Variants in MACF1 observed in about 807,000 individuals in gnomAD.
The protein encoded by MACF1 is microtubule-actin cross-linking factor 1.
In MACF1, 193 loss-of-function variants were observed where a neutral mutation model predicts 854.8. That is an observed-to-expected ratio of 0.23 (90% CI 0.20 to 0.25). The LOEUF is 0.25. Among genes scored for constraint, MACF1 ranks in the 10% least tolerant of loss-of-function variants. MACF1 has a pLI of 1.00. For missense variants in MACF1, 7,722 were observed against 8,929.1 expected (o/e 0.86, Z 5.45); for synonymous variants, 3,185 against 3,226.7 (o/e 0.99, Z 0.44).
intron 2 of MACF1, among the ~76,000 whole-genome samples, chr1:39,157,809 C>T (rs553415009): frequency 2.6e-5 from 4 of 152,200 alleles, no homozygotes; most frequent in South Asian, 4.2e-4. Context: ...CAGGTTCAAG[C>T]GATCCTTCAT....
chr1:39,227,650 T>C (rs2148298969), intron 1 of MACF1, among the ~76,000 whole-genome samples: 1 of 152,294 alleles, frequency 6.6e-6, no homozygotes, highest in East Asian at 1.9e-4. Context: ...TGCTTCCCCT[T>C]ACCTATAGGA....
chr1:39,412,276 G>T (rs765468153), intron 58 of MACF1: 1 of 1,613,822 alleles, frequency 6.2e-7, no homozygotes, highest in African/African-American at 1.3e-5. Context: ...TGAAGTAGAG[G>T]TGTTATATGA....
In MACF1 at chr1:39,282,235, T is replaced by G; in HGVS notation, c.556T>G (p.Ser186Ala). ...QISDIYISGE[S>A]GDMSAKEKLL... is the part of the protein sequence containing the mutation. ...CTCTGACATCTACATTAGTGGAGAA[T>G]CAGGGGATATGTCAGCCAAGGAGAA... is the stretch of plus-strand genomic sequence containing the variant. Residue 186 changes from serine to alanine, a missense_variant, in exon 7 of 101, where the codon TCA (serine) becomes GCA (alanine). Transcript: ENST00000564288. 1.2e-6 allele frequency: 2 copies of G among 1,614,008 alleles called. No homozygotes were observed. The highest frequency in any genetic ancestry group is 1.7e-5 in the Admixed American group (1 of 60,020).
chr1:39,107,520 G>A (rs918200227), intron 2 of MACF1, among the ~76,000 whole-genome samples: 1 of 152,158 alleles, frequency 6.6e-6, no homozygotes, highest in South Asian at 2.1e-4. Flanking sequence ...GATCGGTGCA[G>A]AACAATCTCT....
chr1:39,350,835 C>T lies in MACF1; in HGVS notation c.11016C>T (p.Val3672=). Residue 3672 remains valine, a synonymous_variant, in exon 43 of 101, where the codon GTC becomes GTT. Coordinates refer to ENST00000564288, the MANE Select transcript of MACF1 (RefSeq NM_001394062.1). ...GTGCCACCTCATTTGCCACTGTTGT[C>T]AAGGACATTGAGGGGTTCATGGAAG... is the stretch of plus-strand genomic sequence containing the variant. ...QNRATSFATV[V]KDIEGFMEEN... The T allele has an allele frequency of 6.2e-7, 1 of 1,613,934 alleles. No homozygotes were observed. Among genetic ancestry groups the T allele is most frequent in the Non-Finnish European group, 8.5e-7 (1 of 1,179,944 alleles).
intron 58 of MACF1, among the ~76,000 whole-genome samples, chr1:39,389,349 G>GTTT (rs1557625833): frequency 2.5e-4 from 26 of 105,866 alleles, no homozygotes; most frequent in African/African-American, 9.4e-4. Context: ...TGGTTTTTGT[G>GTTT]TGTTTTTTTT....
Position 39,460,563 on chromosome 1 carries a change from G to C in MACF1, c.21361-69G>C. 1 of 1,353,726 alleles carries C rather than the reference G, an allele frequency of 7.4e-7. No individual in the cohort carries two copies. The highest frequency in any genetic ancestry group is 1.2e-5 in the South Asian group (1 of 82,008). 83.9% of individuals were successfully genotyped at this position (1,353,726 alleles called of 1,614,324 possible). ...GGCTTTACTGAATGTCTGAAAGTTT[G>C]GGTATGCTCTGGGCAGCTTTTGAGG... On this transcript the variant is annotated intron_variant, in intron 91 of 100. Coordinates refer to ENST00000564288, the MANE Select transcript of MACF1 (RefSeq NM_001394062.1). The surrounding 1 kb of genome is among the most constrained non-coding windows in gnomAD (Gnocchi z 4.1).
intron 2 of MACF1, among the ~76,000 whole-genome samples, chr1:39,107,927 T>C (rs1642289681): frequency 6.6e-6 from 1 of 152,138 alleles, no homozygotes. Context: ...AAACTGCCCC[T>C]AGGGCCAATG....
chr1:39,364,439 A>G (rs539554847), intron 49 of MACF1, among the ~76,000 whole-genome samples: 2 of 149,868 alleles, frequency 1.3e-5, no homozygotes, highest in South Asian at 2.1e-4. Flanking sequence ...TGTTAGAAAT[A>G]TTGTTTCCCA....
chr1:39,449,229 T>C (rs1644286285), intron 84 of MACF1, among the ~76,000 whole-genome samples: 1 of 152,152 alleles, frequency 6.6e-6, no homozygotes, highest in South Asian at 2.1e-4. Context: ...ATTGTACAGA[T>C]GAGAAAATGA....
At chr1:39,485,388 G>A in intron 100 of MACF1, 150 bp from the exon 101 acceptor site, 1 of 911,100 alleles carries the variant, frequency 1.1e-6, no homozygotes, top group Non-Finnish European at 1.6e-6. Context: ...AAAGGCTTCA[G>A]CAACTTCTGT....
intron 89 of MACF1, 73 bp from the exon 90 acceptor site, chr1:39,458,297 T>TA: frequency 6.7e-7 from 1 of 1,492,840 alleles, no homozygotes; most frequent in Non-Finnish European, 9.2e-7. Context: ...GTACCCATCC[T>TA]AGCTCTTCCT....
chr1:39,376,585 A>G (rs1649741200), intron 52 of MACF1, among the ~76,000 whole-genome samples: 1 of 152,108 alleles, frequency 6.6e-6, no homozygotes, highest in Admixed American at 6.5e-5. Flanking sequence ...TCTCCCACCT[A>G]CTAGTCCAGT....
At chr1:39,102,731 C>T (rs1175200184) in intron 2 of MACF1, 13 of 701,752 alleles carry the variant, frequency 1.9e-5, no homozygotes, top group Non-Finnish European at 3.4e-5. Flanking sequence ...CCTTCTGCTT[C>T]CCCCATTGCA....
intron 1 of MACF1, among the ~76,000 whole-genome samples, chr1:39,208,760 G>A (rs561110379): frequency 1.8e-4 from 28 of 152,182 alleles, no homozygotes; most frequent in Middle Eastern, 3.4e-3. Context: ...GAGTAGCTGG[G>A]ATTACAGGCG....
chr1:39,198,943 C>T (rs1166610267), intron 2 of MACF1, among the ~76,000 whole-genome samples: 1 of 152,160 alleles, frequency 6.6e-6, no homozygotes, highest in Non-Finnish European at 1.5e-5. Context: ...GAAGTATAAA[C>T]ACCTCAAGTT....
intron 6 of MACF1, among the ~76,000 whole-genome samples, chr1:39,277,128 C>A (rs1645452006): frequency 2.1e-5 from 3 of 142,054 alleles, no homozygotes; most frequent in African/African-American, 2.6e-5. Context: ...TTATGGGGAT[C>A]ACAAATAAAC....
intron 66 of MACF1, among the ~76,000 whole-genome samples, chr1:39,432,236 G>A (rs1299543437): frequency 1.3e-5 from 2 of 152,178 alleles, no homozygotes; most frequent in Non-Finnish European, 2.9e-5. Context: ...CAGGAAGAGT[G>A]TAGTCTCATA....
chr1:39,338,200 G>C (rs540235537), intron 38 of MACF1, among the ~76,000 whole-genome samples: 2 of 152,042 alleles, frequency 1.3e-5, no homozygotes, highest in East Asian at 1.9e-4. Context: ...AGATATGTAA[G>C]TTAATCTCTC....
Sources: allele counts gnomAD v4.1 joint callset (sites outside exome capture counted in the v4.1 genomes callset), GRCh38; gene constraint gnomAD v4.1.1; non-coding constraint Gnocchi (gnomAD v3.1); transcripts MANE v1.5; gene names NCBI Gene and HGNC (gene_info 2026-07-23, HGNC 2026-07-21).